TDRP: variants seen among roughly 807,000 people sequenced by gnomAD.
TDRP encodes the protein testis development related protein.
TDRP carries 12 observed loss-of-function variants against 10.5 expected under a neutral mutation model. The observed-to-expected ratio is 1.15, with a 90% CI of 0.73 to 1.86. The LOEUF (loss-of-function observed/expected upper bound fraction) is 1.86, where lower values mean the gene tolerates loss of function less well. Among genes scored for constraint, TDRP ranks in the 40% most tolerant of loss-of-function variants. TDRP has a pLI of 0.00. For missense variants in TDRP, 353 were observed against 229.2 expected (o/e 1.54, Z -3.49); for synonymous variants, 139 against 95.4 (o/e 1.46, Z -2.67).
chr8:490,163 T>C lies in TDRP; in HGVS notation c.*2236A>G, dbSNP rs890066271. On this transcript the variant is annotated 3_prime_UTR_variant, in exon 3 of 3. Transcript: ENST00000324079. ...AACTTGTGAAGATAATAAATTTGCT[T>C]TGATAACTTCTTTCAAGAAAAGATA... The C allele has an allele frequency of 7.2e-5, 11 of 152,300 alleles. No individual in the cohort carries two copies. The highest frequency in any genetic ancestry group is 3.3e-4 in the Admixed American group (5 of 15,302). 9.4% of individuals were successfully genotyped at this position (152,300 alleles called of 1,614,324 possible).
chr8:527,140 GCAGA>G (rs549488273), intron 1 of TDRP, among the ~76,000 whole-genome samples: 35 of 151,742 alleles, frequency 2.3e-4, no homozygotes, highest in Non-Finnish European at 3.5e-4. Flanking sequence ...TACACCAAAA[GCAGA>G]CAATCTGAAA....
intron 1 of TDRP, among the ~76,000 whole-genome samples, chr8:537,253 T>G (rs1477298880): frequency 6.6e-6 from 1 of 152,146 alleles, no homozygotes; most frequent in African/African-American, 2.4e-5. Context: ...GATGAAATGG[T>G]CCTCCAGAGA....
At chr8:494,254 C>T (rs992723833) in intron 2 of TDRP, among the ~76,000 whole-genome samples, 1 of 152,086 alleles carries the variant, frequency 6.6e-6, no homozygotes, top group Non-Finnish European at 1.5e-5. Context: ...AGCCACCATG[C>T]CCAGCCCATT....
chr8:532,784 G>A (rs1352327062), intron 1 of TDRP, among the ~76,000 whole-genome samples: 5 of 152,144 alleles, frequency 3.3e-5, no homozygotes, highest in Non-Finnish European at 7.4e-5. Flanking sequence ...TAAACTAAGG[G>A]TCAGCAAATA....
upstream of TDRP, among the ~76,000 whole-genome samples, chr8:545,404 C>G (rs985813938): frequency 7.2e-6 from 1 of 139,426 alleles, no homozygotes; most frequent in African/African-American, 2.7e-5. Flanking sequence ...TCCCGGTTCT[C>G]TCCTTCTCCC....
intron 2 of TDRP, among the ~76,000 whole-genome samples, chr8:493,993 G>GTTTTTTTTTTTTT (rs68057437): frequency 9.4e-6 from 1 of 106,554 alleles, no homozygotes. Context: ...CATTTCTGTT[G>GTTTTTTTTTTTTT]TTTTTTTTTT....
At chr8:507,009 G>C (rs753459488) in intron 1 of TDRP, among the ~76,000 whole-genome samples, 1 of 152,196 alleles carries the variant, frequency 6.6e-6, no homozygotes, top group Non-Finnish European at 1.5e-5. Flanking sequence ...AGTTCTGCAA[G>C]CTTAACAGGA....
intron 1 of TDRP, among the ~76,000 whole-genome samples, chr8:510,347 AGC>A (rs925449825): frequency 2.0e-5 from 3 of 152,064 alleles, no homozygotes; most frequent in African/African-American, 7.2e-5. Flanking sequence ...TCACTTCATT[AGC>A]ATAAGAGGAC....
At chr8:499,302 C>G (rs1348390109) in intron 1 of TDRP, among the ~76,000 whole-genome samples, 5 of 152,156 alleles carry the variant, frequency 3.3e-5, no homozygotes, top group Non-Finnish European at 7.4e-5. Context: ...TACTTCCTTA[C>G]AAGAATGCCT....
rs189691260 is a variant in TDRP, at chr8:509,243, T to C, written c.109-14646A>G. On this transcript the variant is annotated intron_variant, in intron 1 of 2. Coordinates refer to ENST00000324079, the MANE Select transcript of TDRP (RefSeq NM_001384899.1). Reference sequence around the variant, plus strand: ...CTGGGATCTGAGGATGGTGGCCCTTTTTTCACAGTTACACTAGACAGTGCC... The same window carrying C: ...CTGGGATCTGAGGATGGTGGCCCTTCTTTCACAGTTACACTAGACAGTGCC... 2.5e-3 allele frequency among the ~76,000 whole-genome samples: 381 copies of C among 152,318 alleles called. 1 individual carries two copies. The highest frequency in any genetic ancestry group is 7.9e-3 in the Admixed American group (121 of 15,304).
intron 1 of TDRP, among the ~76,000 whole-genome samples, chr8:509,457 C>T (rs765584410): frequency 2.6e-5 from 4 of 152,190 alleles, no homozygotes; most frequent in Non-Finnish European, 4.4e-5. Flanking sequence ...AGTCGTAGGA[C>T]CAACACCAAG....
At chr8:544,393 C>A (rs1802580376) in intron 1 of TDRP, among the ~76,000 whole-genome samples, 1 of 152,074 alleles carries the variant, frequency 6.6e-6, no homozygotes, top group Non-Finnish European at 1.5e-5. Flanking sequence ...CGCCGGCAGC[C>A]CTGGCCAGTT....
intron 1 of TDRP, among the ~76,000 whole-genome samples, chr8:499,717 A>T (rs988328155): frequency 1.3e-5 from 2 of 152,220 alleles, no homozygotes; most frequent in African/African-American, 4.8e-5. Context: ...CTCGGTCTTC[A>T]CCTGAAGTCT....
At chr8:515,909 T>A (rs1448788518) in intron 1 of TDRP, among the ~76,000 whole-genome samples, 1 of 151,840 alleles carries the variant, frequency 6.6e-6, no homozygotes, top group Non-Finnish European at 1.5e-5. Context: ...AATGGCTGAA[T>A]ATAAAAGAAA....
At chr8:503,747 C>T (rs1801375344) in intron 1 of TDRP, among the ~76,000 whole-genome samples, 1 of 151,594 alleles carries the variant, frequency 6.6e-6, no homozygotes, top group East Asian at 2.0e-4. Context: ...CCGTGCCCAC[C>T]TCAGCACGCA....
chr8:502,916 C>T (rs548044413), intron 1 of TDRP, among the ~76,000 whole-genome samples: 332 of 152,034 alleles, frequency 2.2e-3, no homozygotes, highest in Non-Finnish European at 2.0e-3. Context: ...CTGTGCCCAC[C>T]TCAGCACGTG....
chr8:517,168 G>A (rs1014121286), intron 1 of TDRP, among the ~76,000 whole-genome samples: 1 of 152,110 alleles, frequency 6.6e-6, no homozygotes, highest in Non-Finnish European at 1.5e-5. Context: ...ACTGACAGAA[G>A]GGACTCTTTG....
chr8:512,251 T>A (rs954727078), intron 1 of TDRP, among the ~76,000 whole-genome samples: 3 of 149,416 alleles, frequency 2.0e-5, no homozygotes, highest in African/African-American at 7.4e-5. Flanking sequence ...GTGAAACCCC[T>A]TCTCTACAAC....
At chr8:496,656 A>G (rs183818276) in intron 1 of TDRP, among the ~76,000 whole-genome samples, 2 of 152,210 alleles carry the variant, frequency 1.3e-5, no homozygotes, top group African/African-American at 4.8e-5. Flanking sequence ...AGCTGTCGTC[A>G]CCACCTTCAG....
Sources: gnomAD v4.1 joint callset for allele counts (sites outside exome capture counted in the v4.1 genomes callset) on GRCh38, gnomAD v4.1.1 for gene constraint, MANE v1.5 for transcripts, NCBI Gene and HGNC (gene_info 2026-07-23, HGNC 2026-07-21) for gene names.